Variants in CUX1 observed in about 807,000 individuals in gnomAD.
CUX1 encodes cut like homeobox 1, also known as protein CASP.
Under a neutral mutation model 158.8 loss-of-function variants are expected in CUX1, and 31 were observed. That is an observed-to-expected ratio of 0.20 (90% CI 0.15 to 0.26). The LOEUF is 0.26. Among genes scored for constraint, CUX1 ranks in the 10% least tolerant of loss-of-function variants. CUX1 has a pLI of 1.00. For missense variants in CUX1, 1,589 were observed against 2,014.6 expected, an observed-to-expected ratio of 0.79 and a Z score of 4.04; for synonymous variants, 879 against 862.1, an observed-to-expected ratio of 1.02 and a Z score of -0.34.
In CUX1 at chr7:101,974,047, C is replaced by T. The variant is rs191525377; in HGVS notation, c.142-54051C>T. Among the ~76,000 whole-genome samples the T allele has an allele frequency of 2.0e-3, 306 of 151,146 alleles. 3 individuals are homozygous for T. The highest frequency in any genetic ancestry group is 7.0e-3 in the African/African-American group (289 of 41,182). ...CCTCCCAAAGTGTTAGGATTACAGG[C>T]GTGAACCACTGCGCCCGGCCCAGAT... On this transcript the variant is annotated intron_variant, in intron 2 of 23. Transcript: ENST00000292535.
In CUX1 at chr7:102,201,025, T is replaced by TAAAAAAA. The variant is rs78359248; in HGVS notation, c.2063-312_2063-306dup. ...CTGGACAACAGCGAGATCCTGTCGC[T>TAAAAAAA]AAAAAAAAAAAAAAAAAAAAAAAAA... On this transcript the variant is annotated intron_variant, in intron 17 of 23. Transcript: ENST00000292535. This position sits in a 1 kb window ranked among gnomAD's most constrained non-coding sequence, Gnocchi z 5.0. Among the ~76,000 whole-genome samples the TAAAAAAA allele has an allele frequency of 8.3e-4, 35 of 42,142 alleles. 1 individual carries two copies. The highest frequency in any genetic ancestry group is 1.8e-3 in the African/African-American group (17 of 9,700). The allele number at this position is 42,142 out of a possible 152,430, so 27.6% of individuals were successfully genotyped here.
At chr7:102,076,174 C>T (rs956970497) in intron 4 of CUX1, among the ~76,000 whole-genome samples, 2 of 152,016 alleles carry the variant, frequency 1.3e-5, no homozygotes, top group East Asian at 1.9e-4. Flanking sequence ...CCTGAGATCA[C>T]GACTTTGCAA....
At position 102,257,162 on chromosome 7, in the gene CUX1, C is replaced by G. The variant is rs1395070058; in HGVS notation, c.*8120C>G. 1.0e-6 allele frequency: 1 copy of G among 985,278 alleles called. No homozygotes were observed. The highest frequency in any genetic ancestry group is 1.2e-6 in the Non-Finnish European group (1 of 829,946). 61.0% of individuals were successfully genotyped at this position (985,278 alleles called of 1,614,324 possible). On this transcript the variant is annotated 3_prime_UTR_variant, in exon 24 of 24. Transcript: ENST00000292535. ...ACTTACCCCAGGCCAAGGCAAGGGC[C>G]CTGCTCACCCCAAGGTAGGCTGGGA...
chr7:102,091,903 G>A (rs375047004), intron 4 of CUX1, among the ~76,000 whole-genome samples: 2 of 152,082 alleles, frequency 1.3e-5, no homozygotes, highest in Non-Finnish European at 2.9e-5. Flanking sequence ...CTACAGGTAC[G>A]TGCCACTACA....
chr7:102,260,371 G>A, downstream of CUX1, among the ~76,000 whole-genome samples: 1 of 148,762 alleles, frequency 6.7e-6, no homozygotes, highest in African/African-American at 2.5e-5. Context: ...TTACAGGCGT[G>A]AGCCACCGCG....
chr7:101,892,519 G>A (rs1172343738), intron 1 of CUX1, among the ~76,000 whole-genome samples: 1 of 152,136 alleles, frequency 6.6e-6, no homozygotes, highest in East Asian at 1.9e-4. Flanking sequence ...GGAGGAAATG[G>A]TCTCATCATT....
chr7:101,982,236 G>GT (rs1334001959), intron 2 of CUX1, among the ~76,000 whole-genome samples: 1 of 152,122 alleles, frequency 6.6e-6, no homozygotes, highest in African/African-American at 2.4e-5. Context: ...ATCTTCCACT[G>GT]TAAGTGAGAA....
chr7:102,163,055 T>C (rs1554507675), intron 9 of CUX1, among the ~76,000 whole-genome samples: 1 of 152,132 alleles, frequency 6.6e-6, no homozygotes, highest in Non-Finnish European at 1.5e-5. Context: ...GGTGAACCCA[T>C]TGGCATGAGA....
chr7:102,131,184 G>A (rs1032303852), intron 8 of CUX1, among the ~76,000 whole-genome samples: 5 of 151,530 alleles, frequency 3.3e-5, no homozygotes, highest in Admixed American at 6.6e-5. Context: ...TGCGGTTTCC[G>A]TGGAAAGCCC....
intron 10 of CUX1, among the ~76,000 whole-genome samples, chr7:102,173,112 C>T (rs1266156914): frequency 6.6e-6 from 1 of 152,132 alleles, no homozygotes; most frequent in African/African-American, 2.4e-5. Context: ...GTAATCCTAG[C>T]ACTTTGGGGG....
chr7:102,238,265 C>T (rs1241206623), intron 22 of CUX1, among the ~76,000 whole-genome samples: 2 of 152,164 alleles, frequency 1.3e-5, no homozygotes, highest in African/African-American at 4.8e-5. Flanking sequence ...TTTTCCTTGA[C>T]ACTGAGGCTA....
intron 22 of CUX1, 23 bp from the exon 23 acceptor site, chr7:102,239,296 AG>A: frequency 6.3e-7 from 1 of 1,588,036 alleles, no homozygotes; most frequent in East Asian, 2.3e-5. Flanking sequence ...GCCTGACCTT[AG>A]TCTGCCATCT....
intron 21 of CUX1, among the ~76,000 whole-genome samples, chr7:102,228,643 G>T (rs377187801): frequency 1.3e-5 from 2 of 152,234 alleles, no homozygotes; most frequent in Middle Eastern, 3.4e-3. Flanking sequence ...TACAAAAAAT[G>T]TAAAAATTAG....
At chr7:102,145,018 C>T (rs1192338558) in intron 8 of CUX1, among the ~76,000 whole-genome samples, 6 of 144,338 alleles carry the variant, frequency 4.2e-5, no homozygotes, top group Admixed American at 1.5e-4. Flanking sequence ...AACGGAGAGG[C>T]GGAGGTTGCA....
intron 3 of CUX1, among the ~76,000 whole-genome samples, chr7:102,060,447 T>C (rs1018141281): frequency 3.3e-5 from 5 of 151,982 alleles, no homozygotes; most frequent in African/African-American, 1.2e-4. Context: ...TCTATCCAGA[T>C]GGTGTCAGAT....
chr7:102,006,144 A>T (rs971898199), intron 2 of CUX1, among the ~76,000 whole-genome samples: 2 of 151,830 alleles, frequency 1.3e-5, no homozygotes, highest in Admixed American at 1.3e-4. Flanking sequence ...TCCCTTCAGA[A>T]CCTCCCTCCT....
chr7:101,851,559 C>T (rs1019906186), intron 1 of CUX1, among the ~76,000 whole-genome samples: 1 of 152,246 alleles, frequency 6.6e-6, no homozygotes, highest in African/African-American at 2.4e-5. Context: ...CCTCAAATCC[C>T]AGGTTGGAAA....
chr7:101,898,562 C>T (rs923045225), intron 1 of CUX1, among the ~76,000 whole-genome samples: 95 of 141,504 alleles, frequency 6.7e-4, no homozygotes, highest in Non-Finnish European at 1.3e-3. Context: ...AGAGACTATT[C>T]TTGTTTCTTT....
At chr7:102,118,383 C>A (rs1042154808) in intron 8 of CUX1, among the ~76,000 whole-genome samples, 18 of 152,044 alleles carry the variant, frequency 1.2e-4, no homozygotes, top group Non-Finnish European at 1.9e-4. Context: ...ACAAAAAATA[C>A]AAAAATTATC....
Sources: gnomAD v4.1 joint callset for allele counts (sites outside exome capture counted in the v4.1 genomes callset) on GRCh38, gnomAD v4.1.1 for gene constraint, Gnocchi (gnomAD v3.1) non-coding constraint, MANE v1.5 for transcripts, NCBI Gene and HGNC (gene_info 2026-07-23, HGNC 2026-07-21) for gene names.